RBFOX1: variants seen among roughly 807,000 people sequenced by gnomAD.
The protein encoded by RBFOX1 is RNA binding fox-1 homolog 1.
A neutral mutation model predicts 57.7 loss-of-function variants in RBFOX1; 8 were observed. The ratio of observed to expected loss-of-function variants is 0.14; its 90% CI spans 0.08 to 0.25. RBFOX1 has a LOEUF of 0.25. Among genes scored for constraint, RBFOX1 ranks in the 10% least tolerant of loss-of-function variants. The pLI is 1.00. For missense variants in RBFOX1, 611 were observed against 548.5 expected (o/e 1.11, Z -1.14); for synonymous variants, 326 against 222.4 (o/e 1.47, Z -4.15).
intron 13 of RBFOX1, among the ~76,000 whole-genome samples, chr16:7,674,594 A>C (rs1364510801): frequency 6.6e-6 from 1 of 152,214 alleles, no homozygotes; most frequent in Non-Finnish European, 1.5e-5. Flanking sequence ...AAATAATATC[A>C]GAATATTGAC....
intron 4 of RBFOX1, among the ~76,000 whole-genome samples, chr16:7,410,400 G>A (rs1027434499): frequency 6.6e-6 from 1 of 152,220 alleles, no homozygotes; most frequent in Non-Finnish European, 1.5e-5. Flanking sequence ...CTGCAGCCTC[G>A]GCTGAGCGTG....
chr16:6,906,803 A>T (rs2070101540), intron 3 of RBFOX1, among the ~76,000 whole-genome samples: 1 of 151,446 alleles, frequency 6.6e-6, no homozygotes, highest in South Asian at 2.1e-4. Context: ...GCTCACTGCA[A>T]CCTCTACCTC....
intron 2 of RBFOX1, among the ~76,000 whole-genome samples, chr16:6,640,045 C>G (rs1189165640): frequency 6.6e-6 from 1 of 152,060 alleles, no homozygotes. Flanking sequence ...AATACAGAAA[C>G]TAAAGAACAG....
chr16:6,693,894 T>A (rs187035489), intron 3 of RBFOX1, among the ~76,000 whole-genome samples: 10 of 152,386 alleles, frequency 6.6e-5, no homozygotes, highest in Admixed American at 3.3e-4. Flanking sequence ...CAATGTTGGA[T>A]CCTTTATGAG....
chr16:6,175,237 G>T (rs934346665), intron 1 of RBFOX1, among the ~76,000 whole-genome samples: 3 of 152,098 alleles, frequency 2.0e-5, no homozygotes, highest in African/African-American at 7.2e-5. Context: ...ATGAGGGAAA[G>T]AAAAAGGATG....
In RBFOX1 at chr16:6,456,666, T is replaced by C. The variant is rs185370758; in HGVS notation, c.-64+139609T>C. On this transcript the variant is annotated intron_variant, in intron 2 of 15. Coordinates refer to ENST00000550418, the MANE Select transcript of RBFOX1 (RefSeq NM_018723.4). ...AAGGAGAGAGGAGAGGAACATCAGT[T>C]AGAGGGCGGTTGCAGGCTGATGGGC... Among the ~76,000 whole-genome samples the C allele has an allele frequency of 7.9e-5, 12 of 152,236 alleles. No homozygotes were observed. In the East Asian group the frequency reaches 1.4e-3, roughly 17 times the overall value.
chr16:7,159,152 A>C (rs571981523), intron 4 of RBFOX1, among the ~76,000 whole-genome samples: 2 of 152,258 alleles, frequency 1.3e-5, no homozygotes, highest in African/African-American at 4.8e-5. Flanking sequence ...TTTTCTCTGC[A>C]TACTGCCCTG....
At chr16:6,181,018 G>A (rs2097058786) in intron 1 of RBFOX1, among the ~76,000 whole-genome samples, 1 of 152,134 alleles carries the variant, frequency 6.6e-6, no homozygotes. Context: ...GTGGAGGTGT[G>A]CATTGAAATT....
chr16:5,406,066 C>G lies in RBFOX1; in HGVS notation c.220-61150C>G, dbSNP rs550772988. Among the ~76,000 whole-genome samples the G allele has an allele frequency of 1.3e-3, 205 of 152,310 alleles. 1 individual carries two copies. Among genetic ancestry groups the G allele is most frequent in the African/African-American group, 4.8e-3 (199 of 41,564 alleles). On this transcript the variant is annotated intron_variant, in intron 1 of 2. Transcript: ENST00000585867. Reference sequence around the variant, plus strand: ...ATCTGGGAGTTCTCTTACTTGCAACCAAAGGCATTCCAACTTATGTATTTG... The same window carrying G: ...ATCTGGGAGTTCTCTTACTTGCAACGAAAGGCATTCCAACTTATGTATTTG...
In RBFOX1 at chr16:7,217,579, C is replaced by G. The variant is rs566250250; in HGVS notation, c.27+165481C>G. Among the ~76,000 whole-genome samples the G allele has an allele frequency of 2.0e-5, 3 of 151,974 alleles. No individual in the cohort carries two copies. In the East Asian group the frequency reaches 5.8e-4, roughly 29 times the overall value. On this transcript the variant is annotated intron_variant, in intron 4 of 15. Transcript: ENST00000550418. Reference sequence around the variant, plus strand: ...ATCTTATCCCTCAAAAAAGGCATGACAAAGGGTCATGAGAGGCCTGGTTCT... The same window carrying G: ...ATCTTATCCCTCAAAAAAGGCATGAGAAAGGGTCATGAGAGGCCTGGTTCT...
intron 3 of RBFOX1, among the ~76,000 whole-genome samples, chr16:5,705,663 G>A (rs1567423119): frequency 6.6e-6 from 1 of 152,170 alleles, no homozygotes; most frequent in Non-Finnish European, 1.5e-5. Flanking sequence ...GAGCAATGAG[G>A]AGAGAAAGAG....
Position 7,545,292 on chromosome 16 carries a change from A to C in RBFOX1, c.270+26903A>C, listed in dbSNP as rs564713385. Among the ~76,000 whole-genome samples the C allele has an allele frequency of 3.3e-5, 5 of 151,062 alleles. No individual in the cohort carries two copies. In the East Asian group the frequency reaches 9.9e-4, roughly 30 times the overall value. Reference sequence around the variant, plus strand: ...TTTCCTTTGAGACACGAAGCCCACCACTGAGAGAGGCAGGGTGCGGGTCAT... The same window carrying C: ...TTTCCTTTGAGACACGAAGCCCACCCCTGAGAGAGGCAGGGTGCGGGTCAT... On this transcript the variant is annotated intron_variant, in intron 5 of 15. Coordinates refer to ENST00000550418, the MANE Select transcript of RBFOX1 (RefSeq NM_018723.4).
chr16:6,241,201 C>G (rs909447687), intron 1 of RBFOX1, among the ~76,000 whole-genome samples: 1 of 152,172 alleles, frequency 6.6e-6, no homozygotes, highest in Non-Finnish European at 1.5e-5. Context: ...ATGCAAATTC[C>G]CGTTCAGACG....
chr16:7,067,503 G>C (rs1205827222), intron 4 of RBFOX1, among the ~76,000 whole-genome samples: 7 of 150,908 alleles, frequency 4.6e-5, no homozygotes, highest in South Asian at 2.1e-4. Flanking sequence ...TGTAGTTGTA[G>C]AACTGAGGTC....
chr16:6,498,688 C>A (rs2095840021), intron 2 of RBFOX1, among the ~76,000 whole-genome samples: 1 of 152,190 alleles, frequency 6.6e-6, no homozygotes, highest in Non-Finnish European at 1.5e-5. Context: ...TGTGTGATCA[C>A]ATTGGATTGT....
chr16:6,600,920 C>G (rs753136474), intron 2 of RBFOX1, among the ~76,000 whole-genome samples: 20 of 152,130 alleles, frequency 1.3e-4, no homozygotes, highest in Non-Finnish European at 2.8e-4. Context: ...TAAACAAAGT[C>G]CCTCAGGTGA....
chr16:6,966,802 T>A (rs894428512), intron 3 of RBFOX1, among the ~76,000 whole-genome samples: 10 of 149,810 alleles, frequency 6.7e-5, no homozygotes, highest in Non-Finnish European at 1.2e-4. Context: ...TGTCTGTCTG[T>A]CTGTCTGTCT....
chr16:5,432,171 G>A (rs2067758316), intron 1 of RBFOX1, among the ~76,000 whole-genome samples: 1 of 152,262 alleles, frequency 6.6e-6, no homozygotes, highest in South Asian at 2.1e-4. Flanking sequence ...TTGGCACAGC[G>A]AGGTGTGGAC....
intron 3 of RBFOX1, among the ~76,000 whole-genome samples, chr16:6,682,229 G>C (rs1445053707): frequency 6.6e-6 from 1 of 152,164 alleles, no homozygotes; most frequent in Non-Finnish European, 1.5e-5. Context: ...ACGCAACAGA[G>C]TCAGCGCTTT....
Sources: allele counts gnomAD v4.1 joint callset (sites outside exome capture counted in the v4.1 genomes callset), GRCh38; gene constraint gnomAD v4.1.1; transcripts MANE v1.5; gene names NCBI Gene and HGNC (gene_info 2026-07-23, HGNC 2026-07-21).